GPR137C: variants seen among roughly 807,000 people sequenced by gnomAD.
GPR137C encodes G protein-coupled receptor 137C, also known as integral membrane protein GPR137C.
A neutral mutation model predicts 43.4 loss-of-function variants in GPR137C; 27 were observed. The ratio of observed to expected loss-of-function variants is 0.62; its 90% CI spans 0.46 to 0.86. GPR137C has a LOEUF of 0.86. GPR137C is among the 40% of genes least tolerant of loss of function. The pLI is 0.00. For synonymous variants in GPR137C, 285 were observed against 226.9 expected, an observed-to-expected ratio of 1.26 and a Z score of -2.30; for missense variants, 522 against 534.6, an observed-to-expected ratio of 0.98 and a Z score of 0.23.
intron 3 of GPR137C, among the ~76,000 whole-genome samples, chr14:52,608,765 C>T (rs1463144088): frequency 6.6e-6 from 1 of 151,974 alleles, no homozygotes; most frequent in Non-Finnish European, 1.5e-5. Context: ...TCACTCCTGG[C>T]CCGTAATGTT....
intron 3 of GPR137C, among the ~76,000 whole-genome samples, chr14:52,614,123 C>CTT (rs201382954): frequency 4.2e-5 from 6 of 142,152 alleles, no homozygotes; most frequent in African/African-American, 1.3e-4. Context: ...AGCACTTTTT[C>CTT]TTTTTTTTTT....
At position 52,637,337 on chromosome 14, in the gene GPR137C, A is replaced by G. The variant is rs2039364318; in HGVS notation, c.*2222A>G. 1 of 152,158 alleles carries G rather than the reference A, an allele frequency of 6.6e-6. No individual in the cohort carries two copies. The allele number at this position is 152,158 out of a possible 1,614,324, so 9.4% of individuals were successfully genotyped here. ...TCAAAGGGCTACCGATTCCCTGTTCATCCTGCACTGAAGCACATGATGACA... is the reference window on the plus strand; with the variant it reads ...TCAAAGGGCTACCGATTCCCTGTTCGTCCTGCACTGAAGCACATGATGACA... On this transcript the variant is annotated 3_prime_UTR_variant, in exon 7 of 7. Transcript: ENST00000321662.
At chr14:52,593,182 G>T (rs1034177349) in intron 1 of GPR137C, among the ~76,000 whole-genome samples, 2 of 152,116 alleles carry the variant, frequency 1.3e-5, no homozygotes, top group African/African-American at 4.8e-5. Flanking sequence ...GGATGAAGCC[G>T]AGTTGATTGT....
chr14:52,560,730 C>G (rs775516915), intron 1 of GPR137C, among the ~76,000 whole-genome samples: 3 of 152,076 alleles, frequency 2.0e-5, no homozygotes, highest in Non-Finnish European at 4.4e-5. Context: ...TTGATTGTTA[C>G]CTCACACCAT....
At chr14:52,590,284 A>G (rs2038765600) in intron 1 of GPR137C, among the ~76,000 whole-genome samples, 1 of 152,200 alleles carries the variant, frequency 6.6e-6, no homozygotes, top group African/African-American at 2.4e-5. Context: ...AAGGATATGA[A>G]GAAAGAAAAT....
rs2039367872 is a variant in GPR137C at position 52,637,623 on chromosome 14, G to A, written c.*2508G>A. On this transcript the variant is annotated 3_prime_UTR_variant, in exon 7 of 7. Transcript: ENST00000321662. ...AATCAGTTTCAAACTGGTTGTAAAA[G>A]TATAGCTGTGGCCAATGAATGTATT... The A allele has an allele frequency of 6.6e-6, 1 of 152,078 alleles. No homozygotes were observed. The highest frequency in any genetic ancestry group is 2.4e-5 in the African/African-American group (1 of 41,426). The allele number at this position is 152,078 out of a possible 1,614,324, so 9.4% of individuals were successfully genotyped here. A position where few individuals can be genotyped will look rare whatever the true frequency, so the allele number is the denominator to read the frequency against.
In GPR137C at chr14:52,633,656, G is replaced by A; in HGVS notation, c.993+1G>A. 6.2e-7 allele frequency: 1 copy of A among 1,612,804 alleles called. No homozygotes were observed. The highest frequency in any genetic ancestry group is 8.5e-7 in the Non-Finnish European group (1 of 1,179,138). ...GGCACAGAGATTAAACCAGAATTTG[G>A]TATGATATAATATTCCCCAATGCCT... is the stretch of plus-strand genomic sequence containing the variant. On this transcript the variant is annotated splice_donor_variant, in intron 5 of 6. Coordinates refer to ENST00000321662, the MANE Select transcript of GPR137C (RefSeq NM_001099652.2). LOFTEE classifies it high-confidence loss of function.
At chr14:52,622,811 C>T (rs1039650312) in intron 3 of GPR137C, among the ~76,000 whole-genome samples, 5 of 152,092 alleles carry the variant, frequency 3.3e-5, no homozygotes, top group Non-Finnish European at 7.4e-5. Flanking sequence ...TACACATGTA[C>T]TCTAGGGTTT....
chr14:52,567,636 C>A (rs930341532), intron 1 of GPR137C, among the ~76,000 whole-genome samples: 7 of 148,378 alleles, frequency 4.7e-5, no homozygotes, highest in Admixed American at 4.7e-4. Flanking sequence ...TCACTGCTTA[C>A]ATTCAGATTG....
chr14:52,625,641 G>A (rs147349247), intron 3 of GPR137C, among the ~76,000 whole-genome samples: 390 of 124,068 alleles, frequency 3.1e-3, no homozygotes, highest in African/African-American at 0.011. Context: ...TGCAATCTCC[G>A]CCTCCCAGGT....
intron 1 of GPR137C, among the ~76,000 whole-genome samples, chr14:52,583,016 T>G (rs1268912591): frequency 6.6e-6 from 1 of 152,144 alleles, no homozygotes; most frequent in African/African-American, 2.4e-5. Context: ...TGACAGCCAT[T>G]AACCCTTAAA....
intron 1 of GPR137C, among the ~76,000 whole-genome samples, chr14:52,574,875 G>A (rs933809292): frequency 5.9e-5 from 9 of 152,186 alleles, no homozygotes; most frequent in Admixed American, 3.3e-4. Context: ...AAGCAATTCT[G>A]CTGTCTTCCT....
intron 1 of GPR137C, among the ~76,000 whole-genome samples, chr14:52,575,911 C>T (rs1360526888): frequency 1.3e-5 from 2 of 152,200 alleles, no homozygotes; most frequent in Non-Finnish European, 2.9e-5. Context: ...GTTATCTTCT[C>T]CTAGTGGAGT....
chr14:52,594,446 G>A (rs761232054), intron 1 of GPR137C, among the ~76,000 whole-genome samples: 1 of 151,428 alleles, frequency 6.6e-6, no homozygotes, highest in Non-Finnish European at 1.5e-5. Context: ...CGATTATTGG[G>A]AGTCTAAGTC....
intron 1 of GPR137C, among the ~76,000 whole-genome samples, chr14:52,591,615 A>G (rs1329962917): frequency 6.6e-6 from 1 of 152,226 alleles, no homozygotes; most frequent in Non-Finnish European, 1.5e-5. Context: ...TGTTGGCTGC[A>G]TAAATGTCTT....
chr14:52,614,884 A>G (rs1277926277), intron 3 of GPR137C, among the ~76,000 whole-genome samples: 1 of 152,140 alleles, frequency 6.6e-6, no homozygotes, highest in Non-Finnish European at 1.5e-5. Context: ...AGTAGTTTGC[A>G]AATGTTTTTT....
intron 1 of GPR137C, among the ~76,000 whole-genome samples, chr14:52,555,111 A>G (rs1164285142): frequency 4.6e-5 from 7 of 152,162 alleles, no homozygotes; most frequent in Non-Finnish European, 8.8e-5. Flanking sequence ...ATAGTGCGTT[A>G]GTGACTTCTC....
intron 3 of GPR137C, among the ~76,000 whole-genome samples, chr14:52,629,791 A>G (rs1354508102): frequency 6.6e-6 from 1 of 152,308 alleles, no homozygotes; most frequent in South Asian, 2.1e-4. Context: ...CTCAATGACT[A>G]GTAGGTTAAG....
At chr14:52,597,846 A>G (rs2038875275) in intron 1 of GPR137C, among the ~76,000 whole-genome samples, 1 of 152,192 alleles carries the variant, frequency 6.6e-6, no homozygotes, top group Non-Finnish European at 1.5e-5. Context: ...TCGCTTTACA[A>G]ATTCATTTCA....
Sources: gnomAD v4.1 joint callset for allele counts (sites outside exome capture counted in the v4.1 genomes callset) on GRCh38, gnomAD v4.1.1 for gene constraint, MANE v1.5 for transcripts, NCBI Gene and HGNC (gene_info 2026-07-23, HGNC 2026-07-21) for gene names.